BAG6: variants seen among roughly 807,000 people sequenced by gnomAD.
BAG6 encodes the protein large proline-rich protein BAG6.
Under a neutral mutation model 121.0 loss-of-function variants are expected in BAG6, and 22 were observed. The observed-to-expected ratio is 0.18, with a 90% CI of 0.13 to 0.26. The LOEUF (loss-of-function observed/expected upper bound fraction) is 0.26, where lower values mean the gene tolerates loss of function less well. Ranked by LOEUF, BAG6 falls within the 10% of genes least tolerant of loss-of-function variation. The pLI, the probability that BAG6 is intolerant of heterozygous loss-of-function variation, is 1.00. For missense variants in BAG6, 1,233 were observed against 1,537.7 expected, an observed-to-expected ratio of 0.80 and a Z score of 3.31; for synonymous variants, 583 against 584.6, an observed-to-expected ratio of 1.00 and a Z score of 0.04.
At position 31,644,780 on chromosome 6, in the gene BAG6, A is replaced by C. The variant is rs1787118017; in HGVS notation, c.1369+166T>G. Among the ~76,000 whole-genome samples, 1 of 151,618 alleles carries C rather than the reference A, an allele frequency of 6.6e-6. No homozygotes were observed. Among genetic ancestry groups the C allele is most frequent in the Non-Finnish European group, 1.5e-5 (1 of 67,850 alleles). On this transcript the variant is annotated intron_variant, in intron 10 of 25. Transcript: ENST00000676615. This position sits in a 1 kb window ranked among gnomAD's most constrained non-coding sequence, Gnocchi z 4.9. ...CACACAAACACACCTCCAAAGACAA[A>C]CCAACCCCCACACCCCCCACATCTG...
chr6:31,643,933 C>T lies in BAG6; in HGVS notation c.1713G>A (p.Val571=). Residue 571 remains valine, a synonymous_variant, in exon 14 of 26, where the codon GTG becomes GTA. Transcript: ENST00000676615. ...LGTNASLAQM[V]SGLVGQLLMQ... The stretch of plus-strand genomic sequence containing the variant: ...TAAGAAGCTGCCCCACAAGGCCGCT[C>T]ACCATCTGGGCCAACGAGGCATTGG... The T allele has an allele frequency of 6.2e-7, 1 of 1,613,820 alleles. No homozygotes were observed. Among genetic ancestry groups the T allele is most frequent in the Non-Finnish European group, 8.5e-7 (1 of 1,180,028 alleles).
Position 31,646,650 on chromosome 6 carries a change from A to C in BAG6, c.789-127T>G, listed in dbSNP as rs76373232. On this transcript the variant is annotated intron_variant, in intron 7 of 25. Coordinates refer to ENST00000676615, the MANE Select transcript of BAG6 (RefSeq NM_001387994.1). Reference sequence around the variant, plus strand: ...GAGCCCTGGCCCAATCCTTCTCTGGACCAGCAGAGCTTCTATTCTCTTCAA... The same window carrying C: ...GAGCCCTGGCCCAATCCTTCTCTGGCCCAGCAGAGCTTCTATTCTCTTCAA... 9.0e-6 allele frequency: 11 copies of C among 1,219,208 alleles called. No homozygotes were observed. The African/African-American group carries it at 1.6e-4, about 17-fold the overall frequency. The allele number at this position is 1,219,208 out of a possible 1,614,324, so 75.5% of individuals were successfully genotyped here. A position where few individuals can be genotyped will look rare whatever the true frequency, so the allele number is the denominator to read the frequency against.
chr6:31,644,911 C>T lies in BAG6; in HGVS notation c.1369+35G>A. The T allele has an allele frequency of 6.5e-7, 1 of 1,546,742 alleles. No individual in the cohort carries two copies. ...CTCAGCATGAACCTCCCTCATCATGCTGATCCTGCTCTTCTCGCCAGCAAC... is the reference window on the plus strand; with the variant it reads ...CTCAGCATGAACCTCCCTCATCATGTTGATCCTGCTCTTCTCGCCAGCAAC... On this transcript the variant is annotated intron_variant, in intron 10 of 25. Coordinates refer to ENST00000676615, the MANE Select transcript of BAG6 (RefSeq NM_001387994.1). The surrounding 1 kb of genome is among the most constrained non-coding windows in gnomAD (Gnocchi z 4.9).
chr6:31,644,502 T>C lies in BAG6; in HGVS notation c.1447+23A>G. 6.2e-7 allele frequency: 1 copy of C among 1,600,524 alleles called. No homozygotes were observed. Among genetic ancestry groups the C allele is most frequent in the Non-Finnish European group, 8.5e-7 (1 of 1,173,924 alleles). On this transcript the variant is annotated intron_variant, in intron 11 of 25. Transcript: ENST00000676615. This position sits in a 1 kb window ranked among gnomAD's most constrained non-coding sequence, Gnocchi z 4.9. ...CCCTTTCTCTACCCAGAGCTCAGCC[T>C]GCCCTGATGCCCTCACTCTTACCCA...
At chr6:31,649,164 C>T in intron 4 of BAG6, 35 bp downstream of exon 4, 1 of 1,610,864 alleles carries the variant, frequency 6.2e-7, no homozygotes. Context: ...CCAAAGCTAC[C>T]CACAAAAGCC....
In BAG6 at chr6:31,644,595, G is replaced by A. The variant is rs1786814246; in HGVS notation, c.1377C>T (p.Gly459=). 5.6e-6 allele frequency: 9 copies of A among 1,612,664 alleles called. No homozygotes were observed. The highest frequency in any genetic ancestry group is 3.3e-4 in the Middle Eastern group (2 of 6,060). Residue 459 remains glycine (G), a synonymous_variant, in exon 11 of 26, where the codon GGC becomes GGT. Transcript: ENST00000676615. This position sits in a 1 kb window ranked among gnomAD's most constrained non-coding sequence, Gnocchi z 4.9. ...CACTCGGAACACCACCAGGCTGTGT[G>A]CCAGAATCTGGGCAGGGAGACAGAG... ...VMMHMNIQDS[G]TQPGGVPSAP... is the part of the protein sequence containing the mutation.
At chr6:31,646,334 C>T in intron 8 of BAG6, 60 bp downstream of exon 8, 1 of 1,576,550 alleles carries the variant, frequency 6.3e-7, no homozygotes. Flanking sequence ...GCATTTCAGC[C>T]TGTTCTGTTT....
chr6:31,639,729 A>G (rs1780610665), intron 24 of BAG6, 83 bp from the exon 25 acceptor site: 3 of 1,471,660 alleles, frequency 2.0e-6, no homozygotes, highest in East Asian at 2.3e-5. Flanking sequence ...CCATGAGTCA[A>G]CCACTCCACT....
At chr6:31,647,554 G>A (rs905595745) in intron 7 of BAG6, 37 bp downstream of exon 7, 3 of 1,605,652 alleles carry the variant, frequency 1.9e-6, no homozygotes, top group African/African-American at 1.3e-5. Flanking sequence ...CTTCACTTAG[G>A]ATTCCCCACC....
intron 2 of BAG6, among the ~76,000 whole-genome samples, chr6:31,650,859 C>T (rs1795848091): frequency 6.6e-6 from 1 of 152,114 alleles, no homozygotes; most frequent in Non-Finnish European, 1.5e-5. Context: ...GGAGTAAAGA[C>T]ACAGATAGCT....
intron 7 of BAG6, 94 bp from the exon 8 acceptor site, chr6:31,646,617 G>A (rs1391547526): frequency 2.7e-6 from 4 of 1,507,562 alleles, no homozygotes; most frequent in African/African-American, 1.4e-5. Flanking sequence ...TTTCTCCCTG[G>A]TCTCCCAGAG....
At chr6:31,646,813 ACCCAGG>A (rs1342587122) in intron 7 of BAG6, among the ~76,000 whole-genome samples, 1 of 115,412 alleles carries the variant, frequency 8.7e-6, no homozygotes, top group Non-Finnish European at 1.6e-5. Context: ...TCGCTCTATC[ACCCAGG>A]CTGGAGTGCA....
intron 8 of BAG6, among the ~76,000 whole-genome samples, chr6:31,646,055 G>A (rs903931702): frequency 6.6e-6 from 1 of 152,004 alleles, no homozygotes; most frequent in East Asian, 1.9e-4. Flanking sequence ...GTGCAATCTC[G>A]GCTCACTGCA....
Position 31,641,869 on chromosome 6 carries a change from A to G in BAG6, c.2412T>C (p.His804=). The part of the protein sequence containing the change: ...MVDVVMLLHG[H]FQPLQRLQPQ... Reference sequence around the variant, plus strand: ...GCTGGAGCCGTTGTAGTGGCTGGAAATGCCCATGGAGAAGCATCACTACGT... The same window carrying G: ...GCTGGAGCCGTTGTAGTGGCTGGAAGTGCCCATGGAGAAGCATCACTACGT... The change falls in exon 17 of 26, where the codon CAT becomes CAC. Residue 804 remains histidine, a synonymous_variant. Coordinates refer to ENST00000676615, the MANE Select transcript of BAG6 (RefSeq NM_001387994.1). The surrounding 1 kb of genome is among the most constrained non-coding windows in gnomAD (Gnocchi z 5.7). 6.2e-7 allele frequency: 1 copy of G among 1,613,054 alleles called. No individual in the cohort carries two copies.
intron 4 of BAG6, 29 bp downstream of exon 4, chr6:31,649,170 A>G (rs1793565466): frequency 1.9e-6 from 3 of 1,611,124 alleles, no homozygotes; most frequent in East Asian, 2.2e-5. Flanking sequence ...CTACCCACAA[A>G]AGCCCTCCCC....
At chr6:31,647,933 G>C (rs146969049) in intron 6 of BAG6, 107 bp from the exon 7 acceptor site, 3 of 1,369,186 alleles carry the variant, frequency 2.2e-6, no homozygotes, top group Non-Finnish European at 2.8e-6. Context: ...ACTCCCTGAA[G>C]GCATGGCTCT....
rs1308138678 is a variant in BAG6 at position 31,640,314 on chromosome 6, G to A, written c.3139-8C>T. On this transcript the variant is annotated splice_region_variant and splice_polypyrimidine_tract_variant and intron_variant, in intron 23 of 25. Coordinates refer to ENST00000676615, the MANE Select transcript of BAG6 (RefSeq NM_001387994.1). The surrounding 1 kb of genome is among the most constrained non-coding windows in gnomAD (Gnocchi z 4.2). ...GATAATAGGGACCCATTCCTGGGGA[G>A]GAAAAGAGAAAATAGTAATGTCCTT... The A allele has an allele frequency of 6.2e-6, 10 of 1,614,078 alleles. No homozygotes were observed. The Admixed American group carries it at 1.2e-4, about 19-fold the overall frequency.
rs759411872 is a variant in BAG6, at chr6:31,651,741, C to G, written c.23G>C (p.Ser8Thr). Residue 8 changes from serine to threonine, a missense_variant, in exon 2 of 26, where the codon AGT (serine) becomes ACT (threonine). Coordinates refer to ENST00000676615, the MANE Select transcript of BAG6 (RefSeq NM_001387994.1). MEPNDST[S>T]TAVEEPDSLE... ...GCTGTCAGGCTCCTCCACAGCGGTA[C>G]TGGTACTATCATTAGGCTCCATGGC... The G allele has an allele frequency of 1.3e-5, 21 of 1,612,920 alleles. No homozygotes were observed. The highest frequency in any genetic ancestry group is 1.5e-5 in the Non-Finnish European group (18 of 1,180,034).
At chr6:31,647,902 C>G (rs554396825) in intron 6 of BAG6, 76 bp from the exon 7 acceptor site, 52 of 1,446,996 alleles carry the variant, frequency 3.6e-5, no homozygotes, top group Admixed American at 8.5e-5. Context: ...GGAGACTGAA[C>G]AGAGAAAGTA....
Sources: allele counts gnomAD v4.1 joint callset (sites outside exome capture counted in the v4.1 genomes callset), GRCh38; gene constraint gnomAD v4.1.1; non-coding constraint Gnocchi (gnomAD v3.1); transcripts MANE v1.5; gene names NCBI Gene and HGNC (gene_info 2026-07-23, HGNC 2026-07-21).